The following TENM3 variants were observed in gnomAD, a reference collection of about 807,000 sequenced individuals.
The protein encoded by TENM3 is teneurin-3.
TENM3 carries 63 observed loss-of-function variants against 255.1 expected under a neutral mutation model. The observed-to-expected ratio is 0.25, with a 90% CI of 0.20 to 0.30. The LOEUF is 0.30. TENM3 is among the 10% of genes least tolerant of loss of function. TENM3 has a pLI of 1.00. For missense variants in TENM3, 2,929 were observed against 3,461.1 expected (o/e 0.85, Z 3.86); for synonymous variants, 1,306 against 1,322.3 (o/e 0.99, Z 0.27).
the TENM3 span, among the ~76,000 whole-genome samples, chr4:182,050,368 T>G: frequency 6.6e-6 from 1 of 152,192 alleles, no homozygotes; most frequent in South Asian, 2.1e-4. Context: ...TTATCTGACC[T>G]ACAAACAGTT....
In TENM3 at chr4:182,780,156, C is replaced by A. The variant is rs193122497; in HGVS notation, c.5304+5003C>A. On this transcript the variant is annotated intron_variant, in intron 24 of 27. Transcript: ENST00000511685. ...ATGCCTATGTCCTGAATGGTGATGC[C>A]TAGGTTTTCTTCTAGGGCTTTTATG... Among the ~76,000 whole-genome samples, 784 of 152,198 alleles carry A rather than the reference C, an allele frequency of 5.2e-3. 5 individuals are homozygous for A. The highest frequency in any genetic ancestry group is 0.018 in the African/African-American group (731 of 41,496).
the TENM3 span, among the ~76,000 whole-genome samples, chr4:181,890,978 C>T: frequency 2.0e-5 from 3 of 152,124 alleles, no homozygotes; most frequent in African/African-American, 7.2e-5. Context: ...CAGTTCAGTT[C>T]TAATAGTATT....
At chr4:182,203,442 CA>C (rs1401853605) in intron 1 of TENM3, among the ~76,000 whole-genome samples, 1 of 152,150 alleles carries the variant, frequency 6.6e-6, no homozygotes, top group East Asian at 1.9e-4. Context: ...GTTGATTTCT[CA>C]AAGAACAGAG....
chr4:181,589,112 AT>A, the TENM3 span, among the ~76,000 whole-genome samples: 1 of 152,186 alleles, frequency 6.6e-6, no homozygotes, highest in Non-Finnish European at 1.5e-5. Context: ...ACTCTAGAAC[AT>A]TTTAAAAATA....
the TENM3 span, among the ~76,000 whole-genome samples, chr4:181,538,067 T>C: frequency 3.9e-5 from 6 of 152,170 alleles, no homozygotes; most frequent in Non-Finnish European, 8.8e-5. Flanking sequence ...AAAATCAAAA[T>C]TTATTGGCAC....
intron 3 of TENM3, among the ~76,000 whole-genome samples, chr4:182,522,341 C>T (rs7659928): frequency 2.0e-5 from 3 of 152,004 alleles, no homozygotes; most frequent in South Asian, 2.1e-4. Flanking sequence ...CTTTTTCTCC[C>T]GCTTTCACTT....
the TENM3 span, among the ~76,000 whole-genome samples, chr4:181,492,041 G>T: frequency 6.6e-6 from 1 of 152,104 alleles, no homozygotes; most frequent in African/African-American, 2.4e-5. Context: ...GTAGTAGTAG[G>T]TAAACTTTTT....
intron 1 of TENM3, among the ~76,000 whole-genome samples, chr4:182,160,246 C>G: frequency 1.3e-5 from 2 of 151,966 alleles, no homozygotes. Flanking sequence ...TCGTGATCCG[C>G]CCGCCTCGGC....
At chr4:182,149,213 A>G (rs1378680611) in intron 1 of TENM3, among the ~76,000 whole-genome samples, 1 of 152,004 alleles carries the variant, frequency 6.6e-6, no homozygotes, top group Non-Finnish European at 1.5e-5. Context: ...ATAGTTTTAA[A>G]TGCTAAAATA....
intron 1 of TENM3, among the ~76,000 whole-genome samples, chr4:182,160,195 G>T (rs1332151157): frequency 1.3e-5 from 2 of 151,178 alleles, no homozygotes; most frequent in South Asian, 2.1e-4. Context: ...GTAGAGACGG[G>T]GTTTCACCGT....
chr4:182,312,549 G>A (rs774638393), intron 1 of TENM3, among the ~76,000 whole-genome samples: 1 of 152,124 alleles, frequency 6.6e-6, no homozygotes, highest in Non-Finnish European at 1.5e-5. Context: ...GTGTGTTTGA[G>A]GCCATTCGGA....
chr4:181,677,168 A>G, the TENM3 span, among the ~76,000 whole-genome samples: 2 of 152,036 alleles, frequency 1.3e-5, no homozygotes, highest in East Asian at 3.9e-4. Flanking sequence ...GCGTTCTTTA[A>G]CACCTAATGC....
the TENM3 span, among the ~76,000 whole-genome samples, chr4:182,119,444 G>A: frequency 1.3e-5 from 2 of 151,310 alleles, no homozygotes; most frequent in East Asian, 2.1e-4. Context: ...TTACGGTTCC[G>A]GTTTACCTCC....
chr4:182,277,811 G>A (rs940762542), intron 1 of TENM3, among the ~76,000 whole-genome samples: 5 of 152,146 alleles, frequency 3.3e-5, no homozygotes, highest in African/African-American at 4.8e-5. Flanking sequence ...TGCTCAGCAG[G>A]CAATTTTAAA....
chr4:181,459,428 A>G, the TENM3 span, among the ~76,000 whole-genome samples: 22 of 151,880 alleles, frequency 1.4e-4, no homozygotes, highest in African/African-American at 4.8e-4. Context: ...ATCTTTCTCT[A>G]TTCCATAAAA....
chr4:182,626,808 CTG>C (rs1395572094), intron 4 of TENM3, among the ~76,000 whole-genome samples: 1 of 152,162 alleles, frequency 6.6e-6, no homozygotes, highest in African/African-American at 2.4e-5. Flanking sequence ...TCATTTGCAT[CTG>C]TTCTAATTTT....
At chr4:181,810,115 C>T in the TENM3 span, among the ~76,000 whole-genome samples, 1 of 152,092 alleles carries the variant, frequency 6.6e-6, no homozygotes, top group Non-Finnish European at 1.5e-5. Flanking sequence ...AAAGCAATGA[C>T]AATTCATATG....
At chr4:182,416,452 G>T (rs775163134) in intron 3 of TENM3, among the ~76,000 whole-genome samples, 2 of 150,918 alleles carry the variant, frequency 1.3e-5, no homozygotes, top group African/African-American at 2.4e-5. Context: ...CTTTAATAGA[G>T]CTCTAACCTT....
chr4:181,847,549 G>GA, the TENM3 span, among the ~76,000 whole-genome samples: 1 of 151,768 alleles, frequency 6.6e-6, no homozygotes, highest in East Asian at 1.9e-4. Flanking sequence ...TTTCTTGGGG[G>GA]AAAAACATTA....
Sources: allele counts gnomAD v4.1 joint callset (sites outside exome capture counted in the v4.1 genomes callset), GRCh38; gene constraint gnomAD v4.1.1; transcripts MANE v1.5; gene names NCBI Gene and HGNC (gene_info 2026-07-23, HGNC 2026-07-21).